PREX1: variants seen among roughly 807,000 people sequenced by gnomAD.
PREX1 encodes phosphatidylinositol-3,4,5-trisphosphate dependent Rac exchange factor 1, also known as phosphatidylinositol 3,4,5-trisphosphate-dependent Rac exchanger 1 protein.
Under a neutral mutation model 198.3 loss-of-function variants are expected in PREX1, and 41 were observed. That is an observed-to-expected ratio of 0.21 (90% CI 0.16 to 0.27). PREX1 has a LOEUF of 0.27. Among genes scored for constraint, PREX1 ranks in the 10% least tolerant of loss-of-function variants. The probability of loss-of-function intolerance (pLI) is 1.00; values close to 1 mark genes in which losing one functional copy is unlikely to be tolerated. For synonymous variants in PREX1, 843 were observed against 887.2 expected, an observed-to-expected ratio of 0.95 and a Z score of 0.89; for missense variants, 1,620 against 2,200.7, an observed-to-expected ratio of 0.74 and a Z score of 5.28.
chr20:48,778,425 C>CA (rs35297652), intron 1 of PREX1, among the ~76,000 whole-genome samples: 41,969 of 117,468 alleles, frequency 0.36, 6,762 homozygotes, highest in Admixed American at 0.43. Context: ...AGTCAAAAAT[C>CA]AAAAAAAAAA....
chr20:48,866,901 C>A, the PREX1 span, among the ~76,000 whole-genome samples: 2 of 152,086 alleles, frequency 1.3e-5, no homozygotes, highest in Non-Finnish European at 2.9e-5. Context: ...TGCACTCCAG[C>A]CTGGGAAACA....
At chr20:48,634,618 T>G in intron 33 of PREX1, 58 bp downstream of exon 33, 1 of 1,556,716 alleles carries the variant, frequency 6.4e-7, no homozygotes, top group Non-Finnish European at 8.8e-7. Context: ...CCCAGAGAGC[T>G]GTCCCTTCCA....
At position 48,747,228 on chromosome 20, in the gene PREX1, G is replaced by A. The variant is rs933026063; in HGVS notation, c.291+581C>T. On this transcript the variant is annotated intron_variant, in intron 2 of 39. Coordinates refer to ENST00000371941, the MANE Select transcript of PREX1 (RefSeq NM_020820.4). The stretch of plus-strand genomic sequence containing the variant: ...GACACCAGGACCCTCAGAGCCCCGA[G>A]GCCTGAAAGGCAGCTCAGAGAGTGA... 4.6e-5 allele frequency among the ~76,000 whole-genome samples: 7 copies of A among 152,186 alleles called. 1 individual carries two copies. The highest frequency in any genetic ancestry group is 8.8e-5 in the Non-Finnish European group (6 of 68,048).
At chr20:48,723,651 A>G (rs1405136365) in intron 5 of PREX1, among the ~76,000 whole-genome samples, 1 of 152,062 alleles carries the variant, frequency 6.6e-6, no homozygotes, top group Non-Finnish European at 1.5e-5. Flanking sequence ...TGGCCAGGAG[A>G]GCAAACCGCA....
At chr20:48,629,802 C>A (rs1601025434) in intron 36 of PREX1, among the ~76,000 whole-genome samples, 181 bp from the exon 37 acceptor site, 1 of 152,130 alleles carries the variant, frequency 6.6e-6, no homozygotes. Flanking sequence ...GCTCAAGAAC[C>A]CTCTGTGGCT....
chr20:48,696,324 A>C (rs930189074), intron 7 of PREX1, among the ~76,000 whole-genome samples: 2 of 152,206 alleles, frequency 1.3e-5, no homozygotes, highest in African/African-American at 4.8e-5. Flanking sequence ...CTGGATATCA[A>C]ACTGACCAAG....
chr20:48,724,314 G>A (rs2090000417), intron 5 of PREX1, among the ~76,000 whole-genome samples: 1 of 152,218 alleles, frequency 6.6e-6, no homozygotes, highest in Admixed American at 6.5e-5. Flanking sequence ...CTACCTTGCT[G>A]AGTTGCCGTT....
the PREX1 span, among the ~76,000 whole-genome samples, chr20:48,848,770 TC>T: frequency 6.6e-6 from 1 of 152,172 alleles, no homozygotes; most frequent in Non-Finnish European, 1.5e-5. Context: ...GGAGTCTCGC[TC>T]TGTCGCTCAG....
Position 48,627,864 on chromosome 20 carries a change from C to G in PREX1, c.4866G>C (p.Lys1622Asn). The G allele has an allele frequency of 6.2e-7, 1 of 1,612,662 alleles. No homozygotes were observed. The highest frequency in any genetic ancestry group is 8.5e-7 in the Non-Finnish European group (1 of 1,179,758). ...CIMQATDIMR[K>N]QGPRVEILAK... ...CCCTGTGGCCAAGCGGCCTCACCTG[C>G]TTCCGCATGATGTCCGTGGCCTGCA... The change falls in exon 38 of 40, where the codon AAG becomes AAC. Residue 1622 changes from lysine (K) to asparagine (N), a missense_variant. Lys to Asn is a moderately conservative substitution (Grantham distance 94). This residue lies in a region of PREX1 where 476 missense variants were observed against 603.4 expected (regional missense o/e 0.79). Transcript: ENST00000371941.
chr20:48,825,735 G>A (rs929588977), intron 1 of PREX1, among the ~76,000 whole-genome samples: 49 of 151,972 alleles, frequency 3.2e-4, no homozygotes, highest in African/African-American at 9.9e-4. Flanking sequence ...AAGCAGAGGA[G>A]CATGGAGTGG....
intron 15 of PREX1, among the ~76,000 whole-genome samples, chr20:48,663,893 T>C (rs562472902): frequency 2.9e-4 from 44 of 149,296 alleles, no homozygotes; most frequent in South Asian, 2.1e-4. Flanking sequence ...TGCACACACA[T>C]ACAAGTGTGA....
chr20:48,650,849 T>C (rs755693503), intron 23 of PREX1, 45 bp downstream of exon 23: 13 of 1,597,912 alleles, frequency 8.1e-6, no homozygotes, highest in East Asian at 2.2e-5. Flanking sequence ...TGAGATGCTA[T>C]GTCTGGGACC....
chr20:48,735,259 G>A (rs899023962), intron 3 of PREX1, among the ~76,000 whole-genome samples: 7 of 152,192 alleles, frequency 4.6e-5, no homozygotes, highest in South Asian at 2.1e-4. Context: ...CAAGGATGGC[G>A]TGGGTGAGGT....
chr20:48,772,769 A>T (rs2090242912), intron 1 of PREX1, among the ~76,000 whole-genome samples: 1 of 152,226 alleles, frequency 6.6e-6, no homozygotes. Flanking sequence ...CTGAGTGCCA[A>T]GGCCAATGGC....
At chr20:48,764,988 C>T (rs983453687) in intron 1 of PREX1, among the ~76,000 whole-genome samples, 2 of 152,036 alleles carry the variant, frequency 1.3e-5, no homozygotes, top group African/African-American at 4.8e-5. Context: ...CCTGCTGGCA[C>T]CTTGATTTCA....
chr20:48,650,648 A>G (rs2089487702), intron 23 of PREX1, among the ~76,000 whole-genome samples: 1 of 152,246 alleles, frequency 6.6e-6, no homozygotes, highest in Non-Finnish European at 1.5e-5. Flanking sequence ...TGTCCCCACC[A>G]CATGAGAAGG....
intron 3 of PREX1, among the ~76,000 whole-genome samples, chr20:48,737,549 G>C (rs1327263354): frequency 6.6e-6 from 1 of 152,184 alleles, no homozygotes; most frequent in African/African-American, 2.4e-5. Flanking sequence ...AGAGGCTAAA[G>C]GGCCCTCAGA....
chr20:48,767,940 G>C (rs976967433), intron 1 of PREX1, among the ~76,000 whole-genome samples: 4 of 152,146 alleles, frequency 2.6e-5, no homozygotes, highest in African/African-American at 9.7e-5. Context: ...CTGTAATGCA[G>C]GTAGCACAAA....
chr20:48,773,189 C>A (rs2090244639), intron 1 of PREX1, among the ~76,000 whole-genome samples: 1 of 145,698 alleles, frequency 6.9e-6, no homozygotes, highest in Non-Finnish European at 1.5e-5. Flanking sequence ...ATCACTTGAA[C>A]CTAGGAGGCA....
Sources: gnomAD v4.1 joint callset for allele counts (sites outside exome capture counted in the v4.1 genomes callset) on GRCh38, gnomAD v4.1.1 for gene constraint, gnomAD v4.1.1 regional missense constraint, MANE v1.5 for transcripts, NCBI Gene and HGNC (gene_info 2026-07-23, HGNC 2026-07-21) for gene names.